SLC25A12: variants seen among roughly 807,000 people sequenced by gnomAD.
SLC25A12 encodes solute carrier family 25 member 12.
A neutral mutation model predicts 83.3 loss-of-function variants in SLC25A12; 32 were observed. The ratio of observed to expected loss-of-function variants is 0.38; its 90% confidence interval spans 0.29 to 0.52. The LOEUF (loss-of-function observed/expected upper bound fraction) is 0.52, where lower values mean the gene tolerates loss of function less well. Ranked by LOEUF, SLC25A12 falls within the 20% of genes least tolerant of loss-of-function variation. The probability of loss-of-function intolerance (pLI) is 0.84; values close to 1 mark genes in which losing one functional copy is unlikely to be tolerated. For synonymous variants in SLC25A12, 267 were observed against 291.1 expected (o/e 0.92, Z 0.84); for missense variants, 611 against 835.6 (o/e 0.73, Z 3.31).
chr2:171,810,509 C>A (rs1381585441), intron 11 of SLC25A12, among the ~76,000 whole-genome samples: 1 of 152,164 alleles, frequency 6.6e-6, no homozygotes, highest in Admixed American at 6.5e-5. Flanking sequence ...AGCATGCTTA[C>A]TTTAAAGCCT....
chr2:171,883,612 C>T (rs1367173511), intron 2 of SLC25A12, among the ~76,000 whole-genome samples: 1 of 151,910 alleles, frequency 6.6e-6, no homozygotes, highest in South Asian at 2.1e-4. Context: ...GGCACACTGG[C>T]CTTTCTGTTT....
intron 13 of SLC25A12, among the ~76,000 whole-genome samples, chr2:171,802,763 G>A (rs545253109): frequency 6.3e-4 from 96 of 152,232 alleles, no homozygotes; most frequent in African/African-American, 2.2e-3. Flanking sequence ...GCGACAGTGC[G>A]AGACTCTGTC....
chr2:171,834,680 A>C (rs1684519634), intron 7 of SLC25A12, 47 bp downstream of exon 7: 3 of 1,598,164 alleles, frequency 1.9e-6, no homozygotes, highest in Non-Finnish European at 1.7e-6. Context: ...CAGTGAAGAA[A>C]AGTGAAAATG....
At chr2:171,789,560 T>C (rs1185197030) in intron 15 of SLC25A12, among the ~76,000 whole-genome samples, 1 of 151,886 alleles carries the variant, frequency 6.6e-6, no homozygotes, top group East Asian at 1.9e-4. Context: ...AAGGAGCTGA[T>C]TTGGAAAAGG....
At chr2:171,789,414 G>A (rs1463521944) in intron 15 of SLC25A12, among the ~76,000 whole-genome samples, 1 of 152,052 alleles carries the variant, frequency 6.6e-6, no homozygotes, top group Admixed American at 6.5e-5. Context: ...ATTTTTAGTA[G>A]AGACGGGGTT....
At chr2:171,792,253 C>T (rs571760758) in intron 14 of SLC25A12, among the ~76,000 whole-genome samples, 12 of 151,824 alleles carry the variant, frequency 7.9e-5, no homozygotes, top group Admixed American at 5.2e-4. Flanking sequence ...TCCACCTTGG[C>T]GCTTGTTTTT....
intron 13 of SLC25A12, among the ~76,000 whole-genome samples, chr2:171,798,469 A>G (rs1473780466): frequency 6.6e-6 from 1 of 152,192 alleles, no homozygotes; most frequent in Non-Finnish European, 1.5e-5. Context: ...AAAATATCCA[A>G]TCTAAGCAAC....
At chr2:171,799,271 T>C (rs986686182) in intron 13 of SLC25A12, among the ~76,000 whole-genome samples, 3 of 152,158 alleles carry the variant, frequency 2.0e-5, no homozygotes, top group African/African-American at 7.2e-5. Context: ...AGAATGAAAA[T>C]CCCTGTGTAC....
intron 2 of SLC25A12, among the ~76,000 whole-genome samples, chr2:171,892,311 C>T (rs1311736787): frequency 2.6e-5 from 4 of 152,026 alleles, no homozygotes; most frequent in East Asian, 1.9e-4. Flanking sequence ...CTGCAAGCTC[C>T]GCTTCCCGGG....
At chr2:171,877,930 TTG>T (rs1380112070) in intron 2 of SLC25A12, among the ~76,000 whole-genome samples, 6 of 152,292 alleles carry the variant, frequency 3.9e-5, no homozygotes, top group African/African-American at 1.4e-4. Context: ...TTCTGATGTG[TTG>T]TGACTAGAAA....
chr2:171,888,720 G>A (rs936854279), intron 2 of SLC25A12, among the ~76,000 whole-genome samples: 2 of 152,094 alleles, frequency 1.3e-5, no homozygotes, highest in Non-Finnish European at 2.9e-5. Context: ...TGGGATTACA[G>A]GTGTGAGCCA....
At chr2:171,876,412 T>G (rs985358528) in intron 2 of SLC25A12, among the ~76,000 whole-genome samples, 3 of 152,122 alleles carry the variant, frequency 2.0e-5, no homozygotes, top group Non-Finnish European at 4.4e-5. Context: ...AGTTTAGATC[T>G]GAAACTAGAA....
intron 17 of SLC25A12, 22 bp from the exon 18 acceptor site, chr2:171,785,497 A>G (rs754102529): frequency 2.0e-5 from 32 of 1,610,272 alleles, no homozygotes; most frequent in Non-Finnish European, 2.6e-5. Flanking sequence ...AAAAAAGCCA[A>G]TGGTTAGCAT....
At chr2:171,790,268 T>A (rs531526344) in intron 15 of SLC25A12, among the ~76,000 whole-genome samples, 129 of 152,280 alleles carry the variant, frequency 8.5e-4, no homozygotes, top group African/African-American at 3.0e-3. Flanking sequence ...ACAGTGAACA[T>A]AAGCCTGGCT....
At chr2:171,819,372 T>C (rs1574696294) in intron 9 of SLC25A12, among the ~76,000 whole-genome samples, 1 of 43,904 alleles carries the variant, frequency 2.3e-5, no homozygotes, top group Non-Finnish European at 6.2e-5. Flanking sequence ...TTATATATAA[T>C]ATATTATATA....
intron 13 of SLC25A12, among the ~76,000 whole-genome samples, chr2:171,804,603 C>T (rs1299230500): frequency 6.6e-6 from 1 of 152,148 alleles, no homozygotes; most frequent in African/African-American, 2.4e-5. Context: ...TTTGTAAAAA[C>T]AGAAAGTATA....
At position 171,785,087 on chromosome 2, in the gene SLC25A12, A is replaced by G. The variant is rs952345070; in HGVS notation, c.*187T>C. On this transcript the variant is annotated 3_prime_UTR_variant, in exon 18 of 18. Coordinates refer to ENST00000422440, the MANE Select transcript of SLC25A12 (RefSeq NM_003705.5). ...AACACATAAGACTAAAGCTTGAAAC[A>G]GCGTTGTGGTTTTTTCCCTGGGCAA... 1.7e-6 allele frequency: 1 copy of G among 604,178 alleles called. No individual in the cohort carries two copies. Among genetic ancestry groups the G allele is most frequent in the African/African-American group, 1.8e-5 (1 of 54,302 alleles). The allele number at this position is 604,178 out of a possible 1,614,324, so 37.4% of individuals were successfully genotyped here.
chr2:171,839,174 A>G (rs1558926437), intron 5 of SLC25A12, among the ~76,000 whole-genome samples: 1 of 152,182 alleles, frequency 6.6e-6, no homozygotes, highest in Non-Finnish European at 1.5e-5. Context: ...TTTTTTAAAA[A>G]AGTCAGCTCT....
chr2:171,829,388 C>T (rs1266507641), intron 8 of SLC25A12, among the ~76,000 whole-genome samples: 2 of 152,244 alleles, frequency 1.3e-5, no homozygotes, highest in East Asian at 3.9e-4. Flanking sequence ...TAAGGCAGAA[C>T]CGGATATTGT....
Sources: gnomAD v4.1 joint callset for allele counts (sites outside exome capture counted in the v4.1 genomes callset) on GRCh38, gnomAD v4.1.1 for gene constraint, MANE v1.5 for transcripts, NCBI Gene and HGNC (gene_info 2026-07-23, HGNC 2026-07-21) for gene names.